ANKRD26: variants seen among roughly 807,000 people sequenced by gnomAD.
ANKRD26 encodes ankyrin repeat domain-containing protein 26.
ANKRD26 carries 141 observed loss-of-function variants against 208.7 expected under a neutral mutation model. The ratio of observed to expected loss-of-function variants is 0.68; its 90% CI spans 0.59 to 0.78. The LOEUF (loss-of-function observed/expected upper bound fraction) is 0.78. Ranked by LOEUF, ANKRD26 falls within the 30% of genes least tolerant of loss-of-function variation. The pLI is 0.00. For synonymous variants in ANKRD26, 636 were observed against 660.4 expected (o/e 0.96, Z 0.57); for missense variants, 1,889 against 1,938.7 (o/e 0.97, Z 0.48).
rs1025821698 is a variant in ANKRD26, at chr10:27,022,575, T to C, written c.4198A>G (p.Asn1400Asp). 6.5e-7 allele frequency: 1 copy of C among 1,535,322 alleles called. No homozygotes were observed. The highest frequency in any genetic ancestry group is 1.4e-5 in the African/African-American group (1 of 73,278). ...TSQFEMDIQI[N>D]KLKHKIDDLT... Reference sequence around the variant, plus strand: ...AAAATTACCTTATGTTTTAGCTTATTAATCTGAATATCCATTTCAAATTGA... The same window carrying C: ...AAAATTACCTTATGTTTTAGCTTATCAATCTGAATATCCATTTCAAATTGA... The change falls in exon 29 of 34, where the codon AAT becomes GAT. Residue 1400 changes from asparagine (N) to aspartate (D), a missense_variant. Physicochemically the swap from Asn to Asp is conservative, Grantham distance 23. This residue lies in a region of ANKRD26 where 613 missense variants were observed against 648.2 expected (regional missense o/e 0.95). Transcript: ENST00000376087.
At chr10:26,957,618 G>A in the ANKRD26 span, among the ~76,000 whole-genome samples, 1 of 152,044 alleles carries the variant, frequency 6.6e-6, no homozygotes, top group Non-Finnish European at 1.5e-5. Flanking sequence ...AAAAGAAACG[G>A]AACATTGGAC....
At position 27,017,615 on chromosome 10, in the gene ANKRD26, T is replaced by G; in HGVS notation, c.4393A>C (p.Ile1465Leu). The change falls in exon 30 of 34, where the codon ATA (isoleucine) becomes CTA (leucine). Residue 1465 changes from isoleucine to leucine, a missense_variant. This residue lies in a region of ANKRD26 where 613 missense variants were observed against 648.2 expected (regional missense o/e 0.95). Transcript: ENST00000376087. ...EQEVINLRSH[I>L]ERNMVELGQV... The stretch of plus-strand genomic sequence containing the variant: ...CCAAGTTCTACCATATTCCTTTCTA[T>G]ATGACTTCTCAGGTTGATCACTTCT... 2 of 1,613,710 alleles carry G rather than the reference T, an allele frequency of 1.2e-6. No individual in the cohort carries two copies. Among genetic ancestry groups the G allele is most frequent in the Non-Finnish European group, 1.7e-6 (2 of 1,179,838 alleles).
rs1014942327 is a variant in ANKRD26, at chr10:27,005,521, ATG to A, written c.*67_*68del. 12 of 1,287,508 alleles carry A rather than the reference ATG, an allele frequency of 9.3e-6. No individual in the cohort carries two copies. Among genetic ancestry groups the A allele is most frequent in the African/African-American group, 7.7e-5 (5 of 64,864 alleles). 79.8% of individuals were successfully genotyped at this position (1,287,508 alleles called of 1,614,324 possible). A position where few individuals can be genotyped will look rare whatever the true frequency, so the allele number is the denominator to read the frequency against. ...AAATACGTTCCTTTAATATTTTTAC[ATG>A]TCATATATTAATATTTAATGAGAAA... On this transcript the variant is annotated 3_prime_UTR_variant, in exon 34 of 34. Coordinates refer to ENST00000376087, the MANE Select transcript of ANKRD26 (RefSeq NM_014915.3).
chr10:27,081,865 G>A (rs1417485621), intron 6 of ANKRD26, among the ~76,000 whole-genome samples: 2 of 151,864 alleles, frequency 1.3e-5, no homozygotes, highest in East Asian at 3.9e-4. Flanking sequence ...AGCCTCCTGA[G>A]TACTGGGACT....
At chr10:27,006,162 T>C (rs569845529) in intron 33 of ANKRD26, among the ~76,000 whole-genome samples, 5 of 152,256 alleles carry the variant, frequency 3.3e-5, no homozygotes, top group African/African-American at 1.2e-4. Context: ...GTCAATAACG[T>C]AGGCTTTTTG....
At chr10:27,056,732 A>T (rs1412744551) in intron 15 of ANKRD26, among the ~76,000 whole-genome samples, 1 of 152,070 alleles carries the variant, frequency 6.6e-6, no homozygotes, top group Non-Finnish European at 1.5e-5. Context: ...AGCTGAGATC[A>T]TGCCATTGCA....
intron 9 of ANKRD26, among the ~76,000 whole-genome samples, chr10:27,074,467 G>A (rs924318248): frequency 2.0e-5 from 3 of 152,196 alleles, no homozygotes; most frequent in African/African-American, 7.2e-5. Flanking sequence ...GATCGCTTGA[G>A]GTCAGGAGTT....
intron 5 of ANKRD26, among the ~76,000 whole-genome samples, chr10:26,979,440 T>G (rs539599912): frequency 6.6e-6 from 1 of 152,230 alleles, no homozygotes; most frequent in East Asian, 1.9e-4. Context: ...ACTGACTGAC[T>G]GTTGTATTTA....
At chr10:26,952,229 A>G in the ANKRD26 span, among the ~76,000 whole-genome samples, 7 of 151,624 alleles carry the variant, frequency 4.6e-5, no homozygotes, top group Non-Finnish European at 7.4e-5. Context: ...CTCCTGACTG[A>G]CCTTGATGTT....
intron 6 of ANKRD26, among the ~76,000 whole-genome samples, chr10:27,081,776 C>T (rs1377444754): frequency 1.3e-5 from 2 of 151,688 alleles, no homozygotes; most frequent in Non-Finnish European, 2.9e-5. Context: ...CCCGCTCTGT[C>T]ACCCAGGCTG....
At position 27,069,761 on chromosome 10, in the gene ANKRD26, A is replaced by C. The variant is rs1363925569; in HGVS notation, c.1078-2475T>G. ...AATATGAACCTACACAGAACTCTGA[A>C]ATTTTGAAAATGAAAAGACAAAGAG... On this transcript the variant is annotated intron_variant, in intron 9 of 33. Transcript: ENST00000376087. Among the ~76,000 whole-genome samples, 31 of 152,200 alleles carry C rather than the reference A, an allele frequency of 2.0e-4. 1 individual carries two copies. Among genetic ancestry groups the C allele is most frequent in the Admixed American group, 2.0e-3 (31 of 15,280 alleles).
intron 21 of ANKRD26, among the ~76,000 whole-genome samples, chr10:27,038,788 A>G (rs2135230472): frequency 6.6e-6 from 1 of 152,268 alleles, no homozygotes; most frequent in Admixed American, 6.5e-5. Flanking sequence ...TTTATGAAAT[A>G]TTGCAAGTAT....
At chr10:26,951,007 TCTTTTC>T in the ANKRD26 span, among the ~76,000 whole-genome samples, 16 of 109,668 alleles carry the variant, frequency 1.5e-4, no homozygotes, top group Non-Finnish European at 2.3e-4. Flanking sequence ...TTTTTTCTTT[TCTTTTC>T]TTTTTCTTTT....
At chr10:27,047,722 CTAA>C (rs1554782118) in intron 17 of ANKRD26, among the ~76,000 whole-genome samples, 138 of 145,150 alleles carry the variant, frequency 9.5e-4, no homozygotes, top group African/African-American at 3.2e-3. Flanking sequence ...ACTACTACTA[CTAA>C]TAATAATAAT....
rs537637430 is a variant in ANKRD26, at chr10:27,065,439, A to G, written c.1269+1048T>C. Among the ~76,000 whole-genome samples, 5 of 152,294 alleles carry G rather than the reference A, an allele frequency of 3.3e-5. No individual in the cohort carries two copies. The East Asian group carries it at 9.7e-4, about 29-fold the overall frequency. Reference sequence around the variant, plus strand: ...TATATTCCTATAGGATATCTCCAGTAACTGTCTACTGAAACTTATACCCCA... The same window carrying G: ...TATATTCCTATAGGATATCTCCAGTGACTGTCTACTGAAACTTATACCCCA... On this transcript the variant is annotated intron_variant, in intron 11 of 33. Coordinates refer to ENST00000376087, the MANE Select transcript of ANKRD26 (RefSeq NM_014915.3).
chr10:26,963,832 T>C, the ANKRD26 span, among the ~76,000 whole-genome samples: 2 of 151,830 alleles, frequency 1.3e-5, no homozygotes, highest in Admixed American at 1.3e-4. Context: ...AGTTTAACAG[T>C]TGTTAAACTC....
rs368917702 is a variant in ANKRD26, at chr10:27,077,368, G to A, written c.1047C>T (p.His349=). 2.5e-6 allele frequency: 4 copies of A among 1,614,014 alleles called. No individual in the cohort carries two copies. The highest frequency in any genetic ancestry group is 3.4e-6 in the Non-Finnish European group (4 of 1,179,918). The change falls in exon 9 of 34, where the codon CAC becomes CAT. Residue 349 remains histidine, a synonymous_variant. Transcript: ENST00000376087. ...TAAGACCAGGGTTTGCTAACGACTT[G>A]TGGGAAGGTTTTGGAAGAAGGTCAG... ...QSPDLLPKPS[H]KSLANPGLMK...
chr10:27,050,797 C>T (rs1005334275), intron 16 of ANKRD26, among the ~76,000 whole-genome samples: 2 of 152,140 alleles, frequency 1.3e-5, no homozygotes, highest in Admixed American at 6.5e-5. Flanking sequence ...CAAGGTCACA[C>T]GGTATATGGC....
At chr10:27,023,005 A>T (rs1169213130) in intron 28 of ANKRD26, among the ~76,000 whole-genome samples, 2 of 152,170 alleles carry the variant, frequency 1.3e-5, no homozygotes, top group Non-Finnish European at 2.9e-5. Flanking sequence ...ATTAGCTATA[A>T]ACCAGAGATC....
Sources: allele counts gnomAD v4.1 joint callset (sites outside exome capture counted in the v4.1 genomes callset), GRCh38; gene constraint gnomAD v4.1.1; regional missense constraint gnomAD v4.1.1; transcripts MANE v1.5; gene names NCBI Gene and HGNC (gene_info 2026-07-23, HGNC 2026-07-21).